The following SEZ6L variants were observed in gnomAD, a reference collection of about 807,000 sequenced individuals.
SEZ6L encodes seizure related 6 homolog like.
SEZ6L carries 37 observed loss-of-function variants against 106.2 expected under a neutral mutation model. The observed-to-expected ratio is 0.35, with a 90% CI of 0.27 to 0.46. The LOEUF is 0.46. SEZ6L is among the 20% of genes least tolerant of loss of function. SEZ6L has a pLI of 1.00. For synonymous variants in SEZ6L, 541 were observed against 570.4 expected (o/e 0.95, Z 0.73); for missense variants, 1,172 against 1,332.8 (o/e 0.88, Z 1.88).
intron 12 of SEZ6L, among the ~76,000 whole-genome samples, chr22:26,356,642 AAAT>A (rs59145201): frequency 0.065 from 9,262 of 142,544 alleles, 331 homozygotes; most frequent in Middle Eastern, 0.086. Flanking sequence ...ATTCTGTCTC[AAAT>A]AATAATAATA....
intron 1 of SEZ6L, among the ~76,000 whole-genome samples, chr22:26,212,048 G>A (rs192406459): frequency 1.3e-5 from 2 of 152,092 alleles, no homozygotes; most frequent in Non-Finnish European, 2.9e-5. Context: ...TGACGGACAA[G>A]TGGAAGCTAA....
chr22:26,352,920 C>A (rs1374557774), intron 12 of SEZ6L, among the ~76,000 whole-genome samples: 1 of 152,194 alleles, frequency 6.6e-6, no homozygotes, highest in African/African-American at 2.4e-5. Flanking sequence ...TTCCCCAGCC[C>A]ACAGAAGGGC....
chr22:26,362,545 G>T (rs2083668877), intron 12 of SEZ6L, among the ~76,000 whole-genome samples: 1 of 152,142 alleles, frequency 6.6e-6, no homozygotes, highest in East Asian at 1.9e-4. Context: ...TTACACATTT[G>T]CTTGGCCCCT....
At chr22:26,318,356 G>A (rs907563980) in intron 9 of SEZ6L, among the ~76,000 whole-genome samples, 3 of 151,566 alleles carry the variant, frequency 2.0e-5, no homozygotes, top group Admixed American at 2.0e-4. Context: ...TTACAGGTGT[G>A]AGCCACTGCC....
intron 13 of SEZ6L, among the ~76,000 whole-genome samples, chr22:26,370,447 A>G (rs2083992006): frequency 6.6e-6 from 1 of 152,172 alleles, no homozygotes; most frequent in African/African-American, 2.4e-5. Flanking sequence ...TTTGGCCTGG[A>G]CAACGTGTTT....
At chr22:26,300,667 C>A (rs920796545) in intron 5 of SEZ6L, among the ~76,000 whole-genome samples, 6 of 152,140 alleles carry the variant, frequency 3.9e-5, no homozygotes, top group Admixed American at 6.5e-5. Flanking sequence ...TGGGTATATA[C>A]CCAGTAATGG....
chr22:26,365,444 A>G lies in SEZ6L; in HGVS notation c.2672A>G (p.Tyr891Cys), dbSNP rs762763817. The part of the protein sequence containing the change: ...NGYQILYKRL[Y>C]LPGESLTFMC... Reference sequence around the variant, plus strand: ...TACCAAATCCTGTACAAGCGACTCTACCTGCCAGGAGAGTCCCTCACCTTC... The same window carrying G: ...TACCAAATCCTGTACAAGCGACTCTGCCTGCCAGGAGAGTCCCTCACCTTC... Residue 891 changes from tyrosine (Y) to cysteine (C), a missense_variant, in exon 13 of 17, where the codon TAC (tyrosine) becomes TGC (cysteine). By Grantham distance (194) the Tyr-to-Cys change is radical. This residue lies in a region of SEZ6L where 141 missense variants were observed against 176.0 expected (regional missense o/e 0.80). Coordinates refer to ENST00000248933, the MANE Select transcript of SEZ6L (RefSeq NM_021115.5). 2.5e-6 allele frequency: 4 copies of G among 1,614,026 alleles called. No individual in the cohort carries two copies. The highest frequency in any genetic ancestry group is 3.4e-6 in the Non-Finnish European group (4 of 1,179,908).
intron 1 of SEZ6L, among the ~76,000 whole-genome samples, chr22:26,216,148 C>G (rs13058124): frequency 0.29 from 43,759 of 151,928 alleles, 7,205 homozygotes; most frequent in Middle Eastern, 0.42. Flanking sequence ...CTGTCAGAAG[C>G]AAAGCCCAGA....
chr22:26,276,831 C>T (rs1052687260), intron 1 of SEZ6L, among the ~76,000 whole-genome samples: 4 of 152,176 alleles, frequency 2.6e-5, no homozygotes, highest in East Asian at 1.9e-4. Context: ...TGTTTAAATG[C>T]TAATCAGTTG....
chr22:26,202,739 C>T (rs1941047570), intron 1 of SEZ6L, among the ~76,000 whole-genome samples: 1 of 152,062 alleles, frequency 6.6e-6, no homozygotes, highest in African/African-American at 2.4e-5. Context: ...CACAACCACA[C>T]AAAAATAGAG....
At chr22:26,304,885 T>A (rs926185224) in intron 5 of SEZ6L, among the ~76,000 whole-genome samples, 2 of 152,208 alleles carry the variant, frequency 1.3e-5, no homozygotes, top group Non-Finnish European at 2.9e-5. Flanking sequence ...ACAATGGGGA[T>A]ATGTTCTAGG....
intron 9 of SEZ6L, among the ~76,000 whole-genome samples, chr22:26,336,629 G>T (rs980759276): frequency 1.3e-5 from 2 of 152,112 alleles, no homozygotes; most frequent in Non-Finnish European, 2.9e-5. Context: ...TGCATTTAAT[G>T]GTCTGTTGCA....
At chr22:26,332,374 T>G (rs2082512146) in intron 9 of SEZ6L, among the ~76,000 whole-genome samples, 1 of 152,004 alleles carries the variant, frequency 6.6e-6, no homozygotes, top group African/African-American at 2.4e-5. Flanking sequence ...GGTCTTGAAC[T>G]CCTGACCTCA....
Position 26,310,856 on chromosome 22 carries a change from T to A in SEZ6L, c.1681+20T>A. ...TTGAAGGTGAGGGTCCCTGGGAGCT[T>A]CCCTTTCTCTTGTGGGGCTGGGGGT... On this transcript the variant is annotated intron_variant, in intron 7 of 16. Transcript: ENST00000248933. 6.2e-7 allele frequency: 1 copy of A among 1,610,998 alleles called. No individual in the cohort carries two copies. Among genetic ancestry groups the A allele is most frequent in the Non-Finnish European group, 8.5e-7 (1 of 1,178,716 alleles).
At chr22:26,344,679 C>T (rs1046676640) in intron 10 of SEZ6L, among the ~76,000 whole-genome samples, 4 of 152,224 alleles carry the variant, frequency 2.6e-5, no homozygotes, top group Admixed American at 6.5e-5. Flanking sequence ...CAGATCCCTA[C>T]ATTTCTAGAG....
intron 16 of SEZ6L, among the ~76,000 whole-genome samples, chr22:26,379,785 CTTA>C (rs1284961584): frequency 2.6e-5 from 4 of 152,208 alleles, no homozygotes; most frequent in Non-Finnish European, 4.4e-5. Context: ...TGAATGAATA[CTTA>C]TTAGTAGAGT....
chr22:26,208,158 G>A (rs1941384415), intron 1 of SEZ6L, among the ~76,000 whole-genome samples: 2 of 151,716 alleles, frequency 1.3e-5, no homozygotes, highest in Admixed American at 6.6e-5. Flanking sequence ...CTCGTGATCC[G>A]CCCGTCTCGG....
chr22:26,278,144 A>C (rs2080613348), intron 1 of SEZ6L, among the ~76,000 whole-genome samples: 4 of 152,182 alleles, frequency 2.6e-5, no homozygotes, highest in Admixed American at 2.6e-4. Context: ...GAAGTTTACC[A>C]GGCAGGGAAG....
rs138417155 is a variant in SEZ6L at position 26,372,083 on chromosome 22, C to T, written c.2795-1368C>T. 5.4e-4 allele frequency among the ~76,000 whole-genome samples: 82 copies of T among 152,298 alleles called. 1 individual carries two copies. The highest frequency in any genetic ancestry group is 1.9e-3 in the African/African-American group (80 of 41,572). ...TGAGTGAGCCCCCCTCCCTCTCTGA[C>T]CTTGGTTTCCCTTTTTGTGAAATAA... On this transcript the variant is annotated intron_variant, in intron 13 of 16. Coordinates refer to ENST00000248933, the MANE Select transcript of SEZ6L (RefSeq NM_021115.5).
Sources: gnomAD v4.1 joint callset for allele counts (sites outside exome capture counted in the v4.1 genomes callset) on GRCh38, gnomAD v4.1.1 for gene constraint, gnomAD v4.1.1 regional missense constraint, MANE v1.5 for transcripts, NCBI Gene and HGNC (gene_info 2026-07-23, HGNC 2026-07-21) for gene names.